The following SVEP1 variants were observed in gnomAD, a reference collection of about 807,000 sequenced individuals.
SVEP1 encodes the protein sushi, von Willebrand factor type A, EGF and pentraxin domain-containing protein 1.
In SVEP1, 164 loss-of-function variants were observed where a neutral mutation model predicts 367.3. The ratio of observed to expected loss-of-function variants is 0.45; its 90% CI spans 0.39 to 0.51. SVEP1 has a LOEUF of 0.51. Ranked by LOEUF, SVEP1 falls within the 20% of genes least tolerant of loss-of-function variation. The pLI is 0.00. For synonymous variants in SVEP1, 1,666 were observed against 1,611.6 expected (o/e 1.03, Z -0.81); for missense variants, 4,117 against 4,425.3 (o/e 0.93, Z 1.98).
In SVEP1 at chr9:110,455,688, G is replaced by C. The variant is rs762155273; in HGVS notation, c.3689C>G (p.Thr1230Arg). ...CAGTGGGCTGCACTCATCGATGTCTGTTTCACACTTTAAGCCTACAATGTA... is the reference window on the plus strand; with the variant it reads ...CAGTGGGCTGCACTCATCGATGTCTCTTTCACACTTTAAGCCTACAATGTA... ...PLGYTGLKCETDIDECSPLPC... is the reference protein window; with the variant it reads ...PLGYTGLKCERDIDECSPLPC... The change falls in exon 22 of 48, where the codon ACA (threonine) becomes AGA (arginine). Residue 1230 changes from threonine (T) to arginine (R), a missense_variant. Coordinates refer to ENST00000374469, the MANE Select transcript of SVEP1 (RefSeq NM_153366.4). 9 of 1,611,312 alleles carry C rather than the reference G, an allele frequency of 5.6e-6. No homozygotes were observed. The highest frequency in any genetic ancestry group is 6.8e-6 in the Non-Finnish European group (8 of 1,178,666).
chr9:110,417,001 T>C (rs548806554), intron 36 of SVEP1, among the ~76,000 whole-genome samples: 4 of 152,160 alleles, frequency 2.6e-5, no homozygotes, highest in East Asian at 3.9e-4. Context: ...TTGTCCTTGA[T>C]TGAGGATCAC....
chr9:110,572,640 T>A (rs928918282), intron 1 of SVEP1, among the ~76,000 whole-genome samples: 9 of 151,924 alleles, frequency 5.9e-5, no homozygotes, highest in Non-Finnish European at 1.0e-4. Context: ...GGTGGGCTGG[T>A]CACTTGAGCC....
chr9:110,542,965 T>TTAA (rs55773620), intron 3 of SVEP1, among the ~76,000 whole-genome samples: 7,082 of 141,606 alleles, frequency 0.05, 214 homozygotes, highest in African/African-American at 0.065. Flanking sequence ...AAAGTATAAT[T>TTAA]AAAAAAAAAT....
chr9:110,385,680 T>TTCAGTGAATCCTAG (rs147772407), intron 43 of SVEP1, among the ~76,000 whole-genome samples: 9,789 of 152,238 alleles, frequency 0.064, 525 homozygotes, highest in African/African-American at 0.15. Flanking sequence ...TGAAAATCTG[T>TTCAGTGAATCCTAG]TCAGGTGGGT....
chr9:110,412,683 TAAAC>T (rs1179493834), intron 36 of SVEP1, among the ~76,000 whole-genome samples: 1 of 109,332 alleles, frequency 9.1e-6, no homozygotes, highest in African/African-American at 4.6e-5. Flanking sequence ...ACAATGAACT[TAAAC>T]AAATTTACAA....
Position 110,404,439 on chromosome 9 carries a change from T to C in SVEP1, c.9554A>G (p.Glu3185Gly), listed in dbSNP as rs1588036448. 6.2e-7 allele frequency: 1 copy of C among 1,614,034 alleles called. No individual in the cohort carries two copies. The highest frequency in any genetic ancestry group is 2.2e-5 in the East Asian group (1 of 44,884). Residue 3185 changes from glutamate (E) to glycine (G), a missense_variant, in exon 39 of 48, where the codon GAA (glutamate) becomes GGA (glycine). This residue lies in a region of SVEP1 where 1,765 missense variants were observed against 1,781.1 expected (regional missense o/e 0.99). Transcript: ENST00000374469. The stretch of plus-strand genomic sequence containing the variant: ...ATGTACAAGTATATGTGTTATGTTT[T>C]CCGGGAGAGGACATTTTTTAGGACT... ...SCSPKKCPLP[E>G]NITHILVHGD...
intron 14 of SVEP1, among the ~76,000 whole-genome samples, chr9:110,474,878 A>C (rs896028464): frequency 6.6e-6 from 1 of 151,998 alleles, no homozygotes; most frequent in African/African-American, 2.4e-5. Flanking sequence ...TTTAGTGAAT[A>C]AAAATGTCCT....
intron 43 of SVEP1, among the ~76,000 whole-genome samples, chr9:110,382,263 A>T (rs1442457378): frequency 6.6e-6 from 1 of 152,094 alleles, no homozygotes. Flanking sequence ...AGCTCTTGCA[A>T]GGCAGGCCTG....
intron 3 of SVEP1, among the ~76,000 whole-genome samples, chr9:110,527,651 T>C (rs960757987): frequency 3.2e-4 from 48 of 152,206 alleles, no homozygotes; most frequent in South Asian, 8.3e-4. Flanking sequence ...TATTTACTTA[T>C]GTTTATTGCC....
chr9:110,536,704 T>C (rs1466018692), intron 3 of SVEP1, among the ~76,000 whole-genome samples: 1 of 151,986 alleles, frequency 6.6e-6, no homozygotes, highest in Non-Finnish European at 1.5e-5. Flanking sequence ...AGCTTTTCTT[T>C]TTTTTATTAT....
rs374900472 is a variant in SVEP1, at chr9:110,570,970, C to CTT, written c.531+8041_531+8042dup. On this transcript the variant is annotated intron_variant, in intron 1 of 47. Transcript: ENST00000374469. ...AGACATATACTCTTCCAGATGGCTCCTTTTTTTTTTTTTTTTTTTTTTTTT... is the reference window on the plus strand; with the variant it reads ...AGACATATACTCTTCCAGATGGCTCCTTTTTTTTTTTTTTTTTTTTTTTTTTT... Among the ~76,000 whole-genome samples the CTT allele has an allele frequency of 8.7e-3, 1,000 of 114,700 alleles. 6 individuals are homozygous for CTT. The highest frequency in any genetic ancestry group is 0.017 in the East Asian group (64 of 3,778). 75.2% of individuals were successfully genotyped at this position (114,700 alleles called of 152,430 possible).
At chr9:110,474,524 T>C (rs1303087430) in intron 14 of SVEP1, among the ~76,000 whole-genome samples, 1 of 152,178 alleles carries the variant, frequency 6.6e-6, no homozygotes, top group South Asian at 2.1e-4. Flanking sequence ...GAATTGCCAT[T>C]TGGACCCTTA....
chr9:110,516,248 T>C lies in SVEP1; in HGVS notation c.965-2142A>G, dbSNP rs1441302464. Among the ~76,000 whole-genome samples, 11 of 150,752 alleles carry C rather than the reference T, an allele frequency of 7.3e-5. 1 individual carries two copies. The South Asian group carries it at 2.3e-3, about 31-fold the overall frequency. On this transcript the variant is annotated intron_variant, in intron 3 of 47. Transcript: ENST00000374469. ...ATTATAATAAACTAAAACTAAAACA[T>C]TACAATATACTAAAAAAATCATATT...
At chr9:110,459,396 C>T (rs978404515) in intron 18 of SVEP1, among the ~76,000 whole-genome samples, 2 of 151,968 alleles carry the variant, frequency 1.3e-5, no homozygotes, top group Non-Finnish European at 2.9e-5. Context: ...CAAATCATTC[C>T]CCCAGATTAT....
intron 43 of SVEP1, among the ~76,000 whole-genome samples, chr9:110,385,265 G>GC (rs1471155879): frequency 4.6e-5 from 7 of 152,226 alleles, no homozygotes; most frequent in Admixed American, 2.0e-4. Context: ...ACAGGTGTGA[G>GC]CCACCGCACC....
chr9:110,432,627 A>T lies in SVEP1; in HGVS notation c.5068T>A (p.Cys1690Ser). 1 of 1,611,166 alleles carries T rather than the reference A, an allele frequency of 6.2e-7. No homozygotes were observed. Among genetic ancestry groups the T allele is most frequent in the Non-Finnish European group, 8.5e-7 (1 of 1,178,832 alleles). Residue 1690 changes from cysteine (C) to serine (S), a missense_variant, in exon 31 of 48, where the codon TGT (cysteine) becomes AGT (serine). Physicochemically the swap from Cys to Ser is moderately radical, Grantham distance 112. Transcript: ENST00000374469. ...TTCTCCAAAGGAGGTGGCACCCCACAGCTAATGCCTGTAAGGTGACCAGGA... is the reference window on the plus strand; with the variant it reads ...TTCTCCAAAGGAGGTGGCACCCCACTGCTAATGCCTGTAAGGTGACCAGGA... ...QPLPHCERIS[C>S]GVPPPLENGF... is the part of the protein sequence containing the mutation.
intron 1 of SVEP1, among the ~76,000 whole-genome samples, chr9:110,576,227 T>TCACACACA (rs57822772): frequency 0.034 from 5,103 of 149,996 alleles, 105 homozygotes; most frequent in East Asian, 0.073. Context: ...ATAGGTAGTC[T>TCACACACA]CACACACACA....
intron 42 of SVEP1, 58 bp downstream of exon 42, chr9:110,387,227 C>T (rs921472934): frequency 1.7e-5 from 26 of 1,494,082 alleles, no homozygotes; most frequent in South Asian, 2.9e-5. Context: ...TTTGGATATG[C>T]GGGAAGCTAA....
At chr9:110,530,235 A>C (rs1485795342) in intron 3 of SVEP1, among the ~76,000 whole-genome samples, 1 of 152,110 alleles carries the variant, frequency 6.6e-6, no homozygotes, top group East Asian at 1.9e-4. Context: ...TGTCTTTTTG[A>C]TGCGCAGTTG....
Sources: allele counts gnomAD v4.1 joint callset (sites outside exome capture counted in the v4.1 genomes callset), GRCh38; gene constraint gnomAD v4.1.1; regional missense constraint gnomAD v4.1.1; transcripts MANE v1.5; gene names NCBI Gene and HGNC (gene_info 2026-07-23, HGNC 2026-07-21).